Variants in CSMD2 observed in about 807,000 individuals in gnomAD.
CSMD2 encodes CUB and sushi domain-containing protein 2.
Under a neutral mutation model 398.5 loss-of-function variants are expected in CSMD2, and 130 were observed. The ratio of observed to expected loss-of-function variants is 0.33; its 90% CI spans 0.28 to 0.38. CSMD2 has a LOEUF of 0.38. CSMD2 is among the 10% of genes least tolerant of loss of function. The probability of loss-of-function intolerance (pLI) is 1.00; values close to 1 mark genes in which losing one functional copy is unlikely to be tolerated. For synonymous variants in CSMD2, 1,828 were observed against 1,908.5 expected (o/e 0.96, Z 1.10); for missense variants, 3,829 against 4,764.9 (o/e 0.80, Z 5.78).
At position 33,519,459 on chromosome 1, in the gene CSMD2, G is replaced by C; in HGVS notation, c.*53+6C>G. 2 of 1,560,798 alleles carry C rather than the reference G, an allele frequency of 1.3e-6. No individual in the cohort carries two copies. The highest frequency in any genetic ancestry group is 8.8e-7 in the Non-Finnish European group (1 of 1,139,858). ...TGGCCTGTCTTCCTCCCACACCCCT[G>C]CTCACCGGCTGCTGGAGGCGGGGCT... On this transcript the variant is annotated splice_donor_region_variant and intron_variant, in intron 70 of 70. Transcript: ENST00000373381. This position sits in a 1 kb window ranked among gnomAD's most constrained non-coding sequence, Gnocchi z 5.6.
At chr1:33,658,687 C>A (rs1034184253) in intron 26 of CSMD2, among the ~76,000 whole-genome samples, 1 of 152,040 alleles carries the variant, frequency 6.6e-6, no homozygotes, top group Non-Finnish European at 1.5e-5. Flanking sequence ...CACAGCAAGA[C>A]CCTGACCCTA....
intron 6 of CSMD2, among the ~76,000 whole-genome samples, chr1:33,829,077 G>A (rs1659159744): frequency 6.6e-6 from 1 of 152,202 alleles, no homozygotes; most frequent in Non-Finnish European, 1.5e-5. Context: ...GCCACCACAT[G>A]GTCATCGGAT....
intron 1 of CSMD2, among the ~76,000 whole-genome samples, chr1:34,100,681 T>C (rs1659850669): frequency 6.6e-6 from 1 of 152,208 alleles, no homozygotes; most frequent in South Asian, 2.1e-4. Flanking sequence ...GCACAACGTT[T>C]CAGTGTATGG....
chr1:34,088,604 C>T (rs986158921), intron 2 of CSMD2, among the ~76,000 whole-genome samples: 3 of 152,224 alleles, frequency 2.0e-5, no homozygotes, highest in African/African-American at 4.8e-5. Context: ...AATACTGTGA[C>T]GCAAGACATA....
intron 2 of CSMD2, among the ~76,000 whole-genome samples, chr1:34,042,596 G>T (rs1486127465): frequency 6.6e-6 from 1 of 152,170 alleles, no homozygotes; most frequent in Non-Finnish European, 1.5e-5. Context: ...GAGTGTTGCT[G>T]GGACTGGTTC....
chr1:33,625,160 G>A lies in CSMD2; in HGVS notation c.5391C>T (p.Val1797=), dbSNP rs763225817. The part of the protein sequence containing the change: ...LGSDFSVGAI[V]RFECNSGYAL... Reference sequence around the variant, plus strand: ...CATAGCCGGAGTTGCATTCGAAGCGGACGATGGCCCCCACCGAGAAGTCAC... The same window carrying A: ...CATAGCCGGAGTTGCATTCGAAGCGAACGATGGCCCCCACCGAGAAGTCAC... The change falls in exon 34 of 71, where the codon GTC becomes GTT. Residue 1797 remains valine, a synonymous_variant. Transcript: ENST00000373381. The A allele has an allele frequency of 6.3e-7, 1 of 1,587,696 alleles. No individual in the cohort carries two copies. The highest frequency in any genetic ancestry group is 8.6e-7 in the Non-Finnish European group (1 of 1,168,146).
At chr1:34,140,205 G>T (rs1389110102) in intron 1 of CSMD2, among the ~76,000 whole-genome samples, 1 of 151,684 alleles carries the variant, frequency 6.6e-6, no homozygotes, top group African/African-American at 2.4e-5. Flanking sequence ...GCGGGGGCAG[G>T]GGGCCTTCTC....
chr1:34,070,764 A>G (rs1655656290), intron 2 of CSMD2, among the ~76,000 whole-genome samples: 2 of 151,902 alleles, frequency 1.3e-5, no homozygotes, highest in South Asian at 4.2e-4. Flanking sequence ...CAGAACTAGA[A>G]AGCTTCTTTA....
chr1:33,936,629 G>A (rs1442021229), intron 3 of CSMD2, among the ~76,000 whole-genome samples: 3 of 152,254 alleles, frequency 2.0e-5, no homozygotes, highest in South Asian at 4.1e-4. Flanking sequence ...GTGCTCTCAT[G>A]AGGCAGAGGA....
intron 3 of CSMD2, among the ~76,000 whole-genome samples, chr1:33,974,524 A>G (rs1342335192): frequency 6.6e-6 from 1 of 152,240 alleles, no homozygotes; most frequent in Non-Finnish European, 1.5e-5. Flanking sequence ...AGGCACTCCA[A>G]CGATCCCCAT....
intron 4 of CSMD2, 110 bp downstream of exon 4, chr1:33,935,650 C>G (rs111908471): frequency 4.2e-6 from 5 of 1,179,708 alleles, no homozygotes; most frequent in Admixed American, 2.9e-5. Context: ...TGGGTACCCC[C>G]CTCCCTGCTG....
chr1:33,558,986 A>C (rs1172948464), intron 54 of CSMD2, among the ~76,000 whole-genome samples: 2 of 152,214 alleles, frequency 1.3e-5, no homozygotes, highest in African/African-American at 2.4e-5. Context: ...ATGTGAGAAA[A>C]ATAAACCTCT....
At chr1:34,122,634 C>G (rs1022540041) in intron 1 of CSMD2, among the ~76,000 whole-genome samples, 1 of 152,282 alleles carries the variant, frequency 6.6e-6, no homozygotes, top group South Asian at 2.1e-4. Flanking sequence ...TTATCTCCCC[C>G]AGAGTTTTAA....
chr1:33,756,117 T>C (rs927448727), intron 13 of CSMD2, among the ~76,000 whole-genome samples: 2 of 152,238 alleles, frequency 1.3e-5, no homozygotes, highest in African/African-American at 4.8e-5. Context: ...AGCTTTCCTC[T>C]CTACCTGGCT....
intron 1 of CSMD2, among the ~76,000 whole-genome samples, chr1:34,125,425 G>A (rs1163984662): frequency 6.6e-6 from 1 of 152,128 alleles, no homozygotes; most frequent in African/African-American, 2.4e-5. Context: ...TTGGACGGCA[G>A]GTATGGCGCT....
intron 1 of CSMD2, among the ~76,000 whole-genome samples, chr1:34,108,373 G>C (rs535762928): frequency 1.4e-4 from 21 of 152,194 alleles, no homozygotes; most frequent in Non-Finnish European, 2.8e-4. Context: ...CAAGGGGTAT[G>C]GTCAAGTCCC....
chr1:33,707,743 A>T (rs943842095), intron 22 of CSMD2, among the ~76,000 whole-genome samples: 1 of 144,560 alleles, frequency 6.9e-6, no homozygotes, highest in Non-Finnish European at 1.5e-5. Flanking sequence ...ACACACACAC[A>T]CCATACACCC....
chr1:33,606,778 TC>T (rs1240463936), intron 41 of CSMD2, among the ~76,000 whole-genome samples: 1 of 152,142 alleles, frequency 6.6e-6, no homozygotes, highest in Non-Finnish European at 1.5e-5. Flanking sequence ...GCTGGGCCTC[TC>T]CTACAGGAAT....
chr1:33,973,135 G>T (rs906431588), intron 3 of CSMD2, among the ~76,000 whole-genome samples: 3 of 152,164 alleles, frequency 2.0e-5, no homozygotes, highest in Non-Finnish European at 4.4e-5. Flanking sequence ...CCCAGGCCTG[G>T]CCGTGCCAGA....
Sources: gnomAD v4.1 joint callset for allele counts (sites outside exome capture counted in the v4.1 genomes callset) on GRCh38, gnomAD v4.1.1 for gene constraint, Gnocchi (gnomAD v3.1) non-coding constraint, MANE v1.5 for transcripts, NCBI Gene and HGNC (gene_info 2026-07-23, HGNC 2026-07-21) for gene names.